Variants in PTPRT observed in about 807,000 individuals in gnomAD.
PTPRT encodes protein tyrosine phosphatase receptor type T.
A neutral mutation model predicts 176.8 loss-of-function variants in PTPRT; 56 were observed. The observed-to-expected ratio is 0.32, with a 90% CI of 0.26 to 0.40. PTPRT has a LOEUF of 0.40. PTPRT is among the 10% of genes least tolerant of loss of function. The pLI is 1.00. For missense variants in PTPRT, 1,540 were observed against 1,908.2 expected (o/e 0.81, Z 3.60); for synonymous variants, 783 against 739.0 (o/e 1.06, Z -0.96).
intron 16 of PTPRT, among the ~76,000 whole-genome samples, chr20:42,189,287 C>T (rs1445528833): frequency 6.6e-6 from 1 of 152,192 alleles, no homozygotes; most frequent in Non-Finnish European, 1.5e-5. Context: ...CTCCTTACAT[C>T]GTATTTTCCA....
chr20:42,732,504 A>T (rs569625103), intron 6 of PTPRT, among the ~76,000 whole-genome samples: 6 of 152,360 alleles, frequency 3.9e-5, no homozygotes, highest in African/African-American at 1.4e-4. Context: ...TGCTTGGGGA[A>T]GCTGTAGAAG....
intron 7 of PTPRT, among the ~76,000 whole-genome samples, chr20:42,479,887 A>G (rs2071355737): frequency 6.6e-6 from 1 of 152,226 alleles, no homozygotes. Context: ...TCTTATAAAT[A>G]TAAGCAAGCA....
chr20:42,633,476 A>T (rs2074458228), intron 7 of PTPRT, among the ~76,000 whole-genome samples: 1 of 151,914 alleles, frequency 6.6e-6, no homozygotes, highest in African/African-American at 2.4e-5. Flanking sequence ...TTGTAAGTTG[A>T]CAGTAGGAGA....
rs1233747981 is a variant in PTPRT at position 42,296,914 on chromosome 20, C to G, written c.2140-14389G>C. On this transcript the variant is annotated intron_variant, in intron 12 of 30. Coordinates refer to ENST00000373187, the MANE Select transcript of PTPRT (RefSeq NM_007050.6). ...CTTATTTCATATCACATGCCTGTAT[C>G]AAAATGTCTCATTTACCCCATAAAC... 3.3e-5 allele frequency among the ~76,000 whole-genome samples: 5 copies of G among 152,012 alleles called. No individual in the cohort carries two copies. In the East Asian group the frequency reaches 9.6e-4, roughly 29 times the overall value.
chr20:42,744,744 C>A (rs1298197590), intron 6 of PTPRT, among the ~76,000 whole-genome samples: 1 of 152,222 alleles, frequency 6.6e-6, no homozygotes, highest in Non-Finnish European at 1.5e-5. Context: ...TTTGACTCTC[C>A]CCTCACCTTG....
At chr20:43,079,346 T>C (rs973820430) in intron 1 of PTPRT, among the ~76,000 whole-genome samples, 4 of 152,080 alleles carry the variant, frequency 2.6e-5, no homozygotes, top group African/African-American at 9.7e-5. Flanking sequence ...ATTCCCACTT[T>C]GATCCATTGT....
At chr20:42,788,173 T>A (rs2077319676) in intron 3 of PTPRT, among the ~76,000 whole-genome samples, 3 of 152,026 alleles carry the variant, frequency 2.0e-5, no homozygotes, top group Admixed American at 2.0e-4. Flanking sequence ...AGGTTCCTGC[T>A]GTTGTAAAGA....
intron 19 of PTPRT, among the ~76,000 whole-genome samples, chr20:42,125,159 AC>A (rs1568952859): frequency 6.6e-6 from 1 of 152,096 alleles, no homozygotes. Flanking sequence ...GTGATACTGC[AC>A]CCTACCCTAC....
At chr20:42,643,409 C>T (rs1032142157) in intron 7 of PTPRT, among the ~76,000 whole-genome samples, 1 of 152,136 alleles carries the variant, frequency 6.6e-6, no homozygotes, top group Non-Finnish European at 1.5e-5. Flanking sequence ...CAGCCTCAAC[C>T]TCCCAGGTTC....
intron 5 of PTPRT, among the ~76,000 whole-genome samples, chr20:42,759,644 T>A (rs1282677074): frequency 6.6e-6 from 1 of 152,192 alleles, no homozygotes; most frequent in Non-Finnish European, 1.5e-5. Context: ...AAAAATTCCG[T>A]CAGATAAGGC....
In PTPRT at chr20:42,885,855, G is replaced by A; in HGVS notation, c.166C>T (p.Gln56Ter). The A allele has an allele frequency of 6.2e-7, 1 of 1,610,646 alleles. No homozygotes were observed. Among genetic ancestry groups the A allele is most frequent in the Non-Finnish European group, 8.5e-7 (1 of 1,177,744 alleles). The change falls in exon 2 of 31, where the codon CAG becomes TAG. Residue 56 changes from glutamine (Q) to a stop codon, truncating the protein, a stop_gained. Transcript: ENST00000373187. LOFTEE classifies it high-confidence loss of function. ...ALGTNGFTWEQINTWEKPMLD... is the reference protein window; with the variant it reads ...ALGTNGFTWE Reference sequence around the variant, plus strand: ...ATTGGTTTCTCCCATGTGTTAATCTGCTCCCAGGTGAACCCATTGGTCCCT... The same window carrying A: ...ATTGGTTTCTCCCATGTGTTAATCTACTCCCAGGTGAACCCATTGGTCCCT...
At chr20:42,151,001 G>A (rs1989104632) in intron 17 of PTPRT, among the ~76,000 whole-genome samples, 1 of 152,128 alleles carries the variant, frequency 6.6e-6, no homozygotes, top group East Asian at 1.9e-4. Context: ...CACAATGCCT[G>A]GTACACAGTA....
At chr20:42,455,144 GAATT>G (rs1348162375) in intron 8 of PTPRT, among the ~76,000 whole-genome samples, 2 of 152,202 alleles carry the variant, frequency 1.3e-5, no homozygotes. Context: ...CAATAAAAAT[GAATT>G]AATAGGGAAG....
At chr20:42,961,630 C>T (rs1211004121) in intron 1 of PTPRT, among the ~76,000 whole-genome samples, 4 of 152,120 alleles carry the variant, frequency 2.6e-5, no homozygotes, top group Non-Finnish European at 5.9e-5. Context: ...CAACTGCCTT[C>T]TAAAGGAAGA....
At chr20:42,770,109 C>T (rs757085555) in intron 5 of PTPRT, among the ~76,000 whole-genome samples, 2 of 152,152 alleles carry the variant, frequency 1.3e-5, no homozygotes, top group African/African-American at 4.8e-5. Context: ...CTCAATTATA[C>T]CTCAATAAAG....
chr20:42,636,602 C>T (rs750532675), intron 7 of PTPRT, among the ~76,000 whole-genome samples: 8 of 151,672 alleles, frequency 5.3e-5, no homozygotes, highest in Non-Finnish European at 7.4e-5. Context: ...CTGGCCAACA[C>T]GGTAAAACAC....
intron 1 of PTPRT, among the ~76,000 whole-genome samples, chr20:42,971,777 A>C (rs796761123): frequency 1.3e-5 from 2 of 152,262 alleles, no homozygotes; most frequent in African/African-American, 4.8e-5. Context: ...TCTGATTCAC[A>C]CAAAAGAACC....
chr20:42,472,763 A>G (rs1277064853), intron 7 of PTPRT, among the ~76,000 whole-genome samples: 2 of 152,234 alleles, frequency 1.3e-5, no homozygotes, highest in Non-Finnish European at 2.9e-5. Context: ...ATTTAAATAC[A>G]TGCATCTAAT....
At chr20:42,293,112 G>A (rs982856741) in intron 12 of PTPRT, among the ~76,000 whole-genome samples, 3 of 152,174 alleles carry the variant, frequency 2.0e-5, no homozygotes, top group Non-Finnish European at 2.9e-5. Flanking sequence ...AATAGCCAAG[G>A]CCATGAGCCA....
Sources: allele counts gnomAD v4.1 joint callset (sites outside exome capture counted in the v4.1 genomes callset), GRCh38; gene constraint gnomAD v4.1.1; transcripts MANE v1.5; gene names NCBI Gene and HGNC (gene_info 2026-07-23, HGNC 2026-07-21).